Variants in CPQ observed in about 807,000 individuals in gnomAD.
CPQ encodes carboxypeptidase Q, also known as Ser-Met dipeptidase.
CPQ carries 37 observed loss-of-function variants against 45.7 expected under a neutral mutation model. The observed-to-expected ratio is 0.81, with a 90% CI of 0.62 to 1.07. The LOEUF (loss-of-function observed/expected upper bound fraction) is 1.07. Among genes scored for constraint, CPQ ranks in the 50% least tolerant of loss-of-function variants. CPQ has a pLI of 0.00. For missense variants in CPQ, 537 were observed against 572.9 expected (o/e 0.94, Z 0.64); for synonymous variants, 186 against 205.8 (o/e 0.90, Z 0.82).
In CPQ at chr8:96,835,061, C is replaced by G. The variant is rs746609839; in HGVS notation, c.522C>G (p.Asn174Lys). The G allele has an allele frequency of 6.2e-7, 1 of 1,613,412 alleles. No individual in the cohort carries two copies. The highest frequency in any genetic ancestry group is 1.7e-5 in the Admixed American group (1 of 59,918). The change falls in exon 3 of 8, where the codon AAC becomes AAG. Residue 174 changes from asparagine (N) to lysine (K), a missense_variant. Asn to Lys is a moderately conservative substitution (Grantham distance 94). Transcript: ENST00000220763. ...CAAGAGGGAAGATTGTTGTTTATAA[C>G]CAACCTTACATCAACTACTCAAGGA... ...SEARGKIVVYNQPYINYSRTV... is the reference protein window; with the variant it reads ...SEARGKIVVYKQPYINYSRTV...
At chr8:97,136,777 CCTT>C (rs1812066579) in intron 7 of CPQ, among the ~76,000 whole-genome samples, 1 of 152,212 alleles carries the variant, frequency 6.6e-6, no homozygotes, top group Admixed American at 6.5e-5. Context: ...AGAGCAGGCT[CCTT>C]CTGCCAGCTT....
chr8:97,073,330 A>C (rs1480552310), intron 7 of CPQ, among the ~76,000 whole-genome samples: 1 of 152,234 alleles, frequency 6.6e-6, no homozygotes, highest in African/African-American at 2.4e-5. Context: ...TAGAAATGGT[A>C]CTGTAAAGTA....
chr8:96,912,078 A>G lies in CPQ; in HGVS notation c.849+32073A>G, dbSNP rs536898422. On this transcript the variant is annotated intron_variant, in intron 4 of 7. Transcript: ENST00000220763. ...CATGCAAAGTGCTTAATTACAGGACAATGTTTTGCCTTTCTGACCCCCCAG... is the reference window on the plus strand; with the variant it reads ...CATGCAAAGTGCTTAATTACAGGACGATGTTTTGCCTTTCTGACCCCCCAG... Among the ~76,000 whole-genome samples, 10 of 152,248 alleles carry G rather than the reference A, an allele frequency of 6.6e-5. No homozygotes were observed. In the South Asian group the frequency reaches 1.7e-3, roughly 25 times the overall value.
intron 6 of CPQ, among the ~76,000 whole-genome samples, chr8:97,036,627 G>C (rs1810011603): frequency 1.3e-5 from 2 of 152,138 alleles, no homozygotes; most frequent in African/African-American, 4.8e-5. Flanking sequence ...CTCTTGGAAG[G>C]AGAACAGGAT....
rs1810191792 is a variant in CPQ, at chr8:96,746,877, G to A, written c.-34-37987G>A. ...ATTGCCAAATAGTGGTAGAGTTTTA[G>A]CATCTTTCAGCTCCACAGCTCTACT... On this transcript the variant is annotated intron_variant, in intron 1 of 7. Transcript: ENST00000220763. Among the ~76,000 whole-genome samples the A allele has an allele frequency of 2.0e-5, 3 of 152,194 alleles. No individual in the cohort carries two copies. The South Asian group carries it at 6.2e-4, about 31-fold the overall frequency.
intron 5 of CPQ, among the ~76,000 whole-genome samples, chr8:97,016,048 A>C (rs999706797): frequency 6.6e-6 from 1 of 152,078 alleles, no homozygotes. Context: ...ATATGTTGCT[A>C]TATATTGTAT....
intron 1 of CPQ, among the ~76,000 whole-genome samples, chr8:96,668,268 C>T (rs1315696052): frequency 6.6e-6 from 1 of 152,056 alleles, no homozygotes; most frequent in Non-Finnish European, 1.5e-5. Flanking sequence ...ATTGTCTGCC[C>T]CACACTGTGC....
intron 5 of CPQ, 44 bp downstream of exon 5, chr8:96,966,090 T>C (rs754332449): frequency 2.1e-6 from 3 of 1,399,650 alleles, no homozygotes; most frequent in Non-Finnish European, 2.0e-6. Flanking sequence ...AGGATCTCAG[T>C]GACATGTTTA....
intron 1 of CPQ, among the ~76,000 whole-genome samples, chr8:96,691,964 C>T (rs1040073668): frequency 2.0e-5 from 3 of 152,060 alleles, no homozygotes; most frequent in Non-Finnish European, 2.9e-5. Flanking sequence ...TCACTGAACA[C>T]CCTGGGCATT....
chr8:97,102,720 C>A (rs753202115), intron 7 of CPQ, among the ~76,000 whole-genome samples: 1 of 151,640 alleles, frequency 6.6e-6, no homozygotes, highest in South Asian at 2.1e-4. Flanking sequence ...AACCACCCAG[C>A]ACTACACCCA....
chr8:96,787,673 C>T (rs1810789698), intron 2 of CPQ, among the ~76,000 whole-genome samples: 1 of 151,456 alleles, frequency 6.6e-6, no homozygotes, highest in Non-Finnish European at 1.5e-5. Context: ...TAGAATTCAC[C>T]AGTGAAGCAA....
intron 6 of CPQ, among the ~76,000 whole-genome samples, chr8:97,048,231 G>A (rs1810295319): frequency 6.6e-6 from 1 of 152,144 alleles, no homozygotes; most frequent in Non-Finnish European, 1.5e-5. Context: ...AAGATTGGAG[G>A]AGCAATTATA....
chr8:96,951,121 A>G (rs895262850), intron 4 of CPQ, among the ~76,000 whole-genome samples: 1 of 152,116 alleles, frequency 6.6e-6, no homozygotes, highest in African/African-American at 2.4e-5. Context: ...TTCATCTTTA[A>G]ACAACGCTGC....
intron 4 of CPQ, among the ~76,000 whole-genome samples, chr8:96,907,461 T>C (rs1812593745): frequency 6.6e-6 from 1 of 152,160 alleles, no homozygotes; most frequent in Non-Finnish European, 1.5e-5. Flanking sequence ...CTGGGGAATG[T>C]AGCCTATCAA....
At chr8:96,986,256 C>G (rs1369038795) in intron 5 of CPQ, among the ~76,000 whole-genome samples, 1 of 152,190 alleles carries the variant, frequency 6.6e-6, no homozygotes, top group Admixed American at 6.5e-5. Flanking sequence ...ACAAAACTCT[C>G]TTGTTGCCAC....
intron 5 of CPQ, among the ~76,000 whole-genome samples, chr8:97,019,539 C>G (rs570066797): frequency 6.6e-4 from 101 of 152,238 alleles, no homozygotes; most frequent in African/African-American, 2.4e-3. Context: ...AAAAGAGATT[C>G]CATGCAAATG....
chr8:96,713,371 T>C (rs1809638658), intron 1 of CPQ, among the ~76,000 whole-genome samples: 2 of 152,186 alleles, frequency 1.3e-5, no homozygotes, highest in South Asian at 4.1e-4. Flanking sequence ...ACCAATTTAC[T>C]GTATTAGTCC....
chr8:97,121,710 A>G (rs1811705630), intron 7 of CPQ, among the ~76,000 whole-genome samples: 1 of 152,170 alleles, frequency 6.6e-6, no homozygotes, highest in Non-Finnish European at 1.5e-5. Flanking sequence ...AATGATAGTG[A>G]TGATGAAATT....
rs577565964 is a variant in CPQ at position 96,757,310 on chromosome 8, C to T, written c.-34-27554C>T. Among the ~76,000 whole-genome samples, 19 of 150,938 alleles carry T rather than the reference C, an allele frequency of 1.3e-4. No individual in the cohort carries two copies. In the South Asian group the frequency reaches 3.8e-3, roughly 30 times the overall value. ...AGGTTGCAGTGAGCCGAGATCACGC[C>T]ACTGTACTCCAGCATGGGCAACAGA... On this transcript the variant is annotated intron_variant, in intron 1 of 7. Coordinates refer to ENST00000220763, the MANE Select transcript of CPQ (RefSeq NM_016134.4).
Sources: allele counts gnomAD v4.1 joint callset (sites outside exome capture counted in the v4.1 genomes callset), GRCh38; gene constraint gnomAD v4.1.1; transcripts MANE v1.5; gene names NCBI Gene and HGNC (gene_info 2026-07-23, HGNC 2026-07-21).